CRPPA: variants seen among roughly 807,000 people sequenced by gnomAD.
The protein encoded by CRPPA is CDP-L-ribitol pyrophosphorylase A, also known as D-ribitol-5-phosphate cytidylyltransferase.
CRPPA carries 43 observed loss-of-function variants against 52.0 expected under a neutral mutation model. The observed-to-expected ratio is 0.83, with a 90% confidence interval of 0.65 to 1.07. The LOEUF (loss-of-function observed/expected upper bound fraction) is 1.07. CRPPA is among the 50% of genes least tolerant of loss of function. CRPPA has a pLI of 0.00. For missense variants in CRPPA, 629 were observed against 551.7 expected (o/e 1.14, Z -1.40); for synonymous variants, 250 against 203.5 (o/e 1.23, Z -1.94).
chr7:16,213,436 T>C (rs1483042387), intron 9 of CRPPA, among the ~76,000 whole-genome samples: 1 of 152,154 alleles, frequency 6.6e-6, no homozygotes, highest in Non-Finnish European at 1.5e-5. Context: ...CAACAATCTT[T>C]TACAAATTTT....
At chr7:16,166,024 CTA>C (rs1437283361) in intron 9 of CRPPA, among the ~76,000 whole-genome samples, 2 of 152,198 alleles carry the variant, frequency 1.3e-5, no homozygotes, top group Non-Finnish European at 2.9e-5. Context: ...CACATTCTGT[CTA>C]AACATGAACA....
intron 9 of CRPPA, among the ~76,000 whole-genome samples, chr7:16,102,173 C>A (rs777433690): frequency 6.6e-6 from 1 of 152,212 alleles, no homozygotes; most frequent in African/African-American, 2.4e-5. Context: ...GCCATCTGAT[C>A]TTTCACCAAC....
intron 8 of CRPPA, among the ~76,000 whole-genome samples, chr7:16,255,394 C>T (rs1283483692): frequency 6.6e-6 from 1 of 152,098 alleles, no homozygotes; most frequent in East Asian, 1.9e-4. Context: ...TCAGTGCTAT[C>T]CCCATCAAGT....
rs886042368 is a variant in CRPPA at position 16,421,132 on chromosome 7, G to A, written c.191C>T (p.Thr64Ile). 3 of 1,328,654 alleles carry A rather than the reference G, an allele frequency of 2.3e-6. No individual in the cohort carries two copies. The highest frequency in any genetic ancestry group is 2.2e-5 in the South Asian group (1 of 46,174). 82.3% of individuals were successfully genotyped at this position (1,328,654 alleles called of 1,614,324 possible). A position where few individuals can be genotyped will look rare whatever the true frequency, so the allele number is the denominator to read the frequency against. ...CAGGATGGGGCAGAATTGCTTCGGG[G>A]TGGGGACCCCCATCCTCTCCCCGCA... is the stretch of plus-strand genomic sequence containing the variant. ...GGCGERMGVP[T>I]PKQFCPILER... Residue 64 changes from threonine to isoleucine, a missense_variant, in exon 1 of 10, where the codon ACC becomes ATC. By Grantham distance (89) the Thr-to-Ile change is moderately conservative. Coordinates refer to ENST00000407010, the MANE Select transcript of CRPPA (RefSeq NM_001101426.4).
At chr7:16,304,973 A>G (rs1784877526) in intron 4 of CRPPA, among the ~76,000 whole-genome samples, 1 of 152,210 alleles carries the variant, frequency 6.6e-6, no homozygotes, top group South Asian at 2.1e-4. Context: ...GTTTAGCATA[A>G]TTGTACTAGA....
chr7:16,220,714 A>G (rs1476143704), intron 8 of CRPPA, among the ~76,000 whole-genome samples: 3 of 149,052 alleles, frequency 2.0e-5, no homozygotes, highest in Admixed American at 6.7e-5. Flanking sequence ...AGAGAATAAA[A>G]TACCTAGGAA....
intron 9 of CRPPA, among the ~76,000 whole-genome samples, chr7:16,099,647 C>T (rs1782004426): frequency 6.6e-6 from 1 of 152,078 alleles, no homozygotes; most frequent in South Asian, 2.1e-4. Context: ...AGCCAGATTG[C>T]AGTGAGGAAA....
chr7:16,405,989 A>G, intron 2 of CRPPA, 72 bp downstream of exon 2: 1 of 1,358,666 alleles, frequency 7.4e-7, no homozygotes, highest in Non-Finnish European at 1.0e-6. Flanking sequence ...AACAGAATTG[A>G]ATCAAAATTC....
At chr7:16,272,261 T>C (rs372565202) in intron 6 of CRPPA, among the ~76,000 whole-genome samples, 4 of 152,284 alleles carry the variant, frequency 2.6e-5, no homozygotes, top group South Asian at 4.1e-4. Flanking sequence ...AAGTTAGCTC[T>C]TTACTTAACT....
chr7:16,381,498 C>G (rs1402201974), intron 2 of CRPPA, among the ~76,000 whole-genome samples: 1 of 151,942 alleles, frequency 6.6e-6, no homozygotes, highest in African/African-American at 2.4e-5. Flanking sequence ...CTGTAGATGT[C>G]TATTAGGTCC....
chr7:16,419,972 C>G (rs2128321106), intron 1 of CRPPA, among the ~76,000 whole-genome samples: 1 of 152,270 alleles, frequency 6.6e-6, no homozygotes, highest in Middle Eastern at 3.4e-3. Context: ...ATTGCAATTC[C>G]CCTGTCTTGA....
intron 9 of CRPPA, among the ~76,000 whole-genome samples, chr7:16,174,071 G>A (rs1432911345): frequency 6.6e-6 from 1 of 152,032 alleles, no homozygotes; most frequent in Non-Finnish European, 1.5e-5. Context: ...TGTGATCTGT[G>A]AGGAACAACT....
At chr7:16,192,915 C>T (rs1781644327) in intron 9 of CRPPA, among the ~76,000 whole-genome samples, 1 of 152,018 alleles carries the variant, frequency 6.6e-6, no homozygotes, top group African/African-American at 2.4e-5. Flanking sequence ...AATTCCTCTA[C>T]TTATTTTTCT....
intron 6 of CRPPA, chr7:16,270,748 G>A (rs17169388): frequency 0.46 from 69,759 of 151,962 alleles, 17,413 homozygotes; most frequent in Non-Finnish European, 0.55. Context: ...CAGTATTCAG[G>A]TGCAAACAAA....
intron 9 of CRPPA, among the ~76,000 whole-genome samples, chr7:16,170,349 AG>A (rs1425282350): frequency 6.6e-6 from 1 of 152,232 alleles, no homozygotes; most frequent in Non-Finnish European, 1.5e-5. Flanking sequence ...GCAAGAATTA[AG>A]CCGCAGACCC....
intron 9 of CRPPA, among the ~76,000 whole-genome samples, chr7:16,112,481 A>C (rs959802784): frequency 1.3e-5 from 2 of 152,226 alleles, no homozygotes; most frequent in African/African-American, 4.8e-5. Flanking sequence ...AGATACCTTC[A>C]AATTTAAAGA....
At chr7:16,376,031 G>A in intron 3 of CRPPA, 61 bp downstream of exon 3, 1 of 1,488,446 alleles carries the variant, frequency 6.7e-7, no homozygotes, top group Non-Finnish European at 9.1e-7. Flanking sequence ...TTCTCCAAAT[G>A]TGGAGGTTGT....
chr7:16,206,872 A>T (rs1781986778), intron 9 of CRPPA, among the ~76,000 whole-genome samples: 1 of 152,168 alleles, frequency 6.6e-6, no homozygotes, highest in Admixed American at 6.6e-5. Context: ...CAGCATTAGC[A>T]CATTGTCACT....
intron 3 of CRPPA, among the ~76,000 whole-genome samples, chr7:16,353,058 G>A (rs1786198984): frequency 6.6e-6 from 1 of 152,086 alleles, no homozygotes; most frequent in Non-Finnish European, 1.5e-5. Flanking sequence ...ACTTATATTT[G>A]TAATCTTAAA....
Sources: allele counts gnomAD v4.1 joint callset (sites outside exome capture counted in the v4.1 genomes callset), GRCh38; gene constraint gnomAD v4.1.1; transcripts MANE v1.5; gene names NCBI Gene and HGNC (gene_info 2026-07-23, HGNC 2026-07-21).